Variants in CCDC148 observed in about 807,000 individuals in gnomAD.
CCDC148 encodes the protein coiled-coil domain containing 148.
In CCDC148, 89 loss-of-function variants were observed where a neutral mutation model predicts 85.7. That is an observed-to-expected ratio of 1.04 (90% CI 0.87 to 1.24). The LOEUF is 1.24. Ranked by LOEUF, CCDC148 falls within the 50% of genes most tolerant of loss-of-function variation. CCDC148 has a pLI of 0.00. For missense variants in CCDC148, 692 were observed against 671.7 expected (o/e 1.03, Z -0.33); for synonymous variants, 230 against 213.9 (o/e 1.08, Z -0.66).
chr2:158,296,392 C>A (rs1691189537), intron 9 of CCDC148, among the ~76,000 whole-genome samples: 1 of 152,070 alleles, frequency 6.6e-6, no homozygotes, highest in African/African-American at 2.4e-5. Context: ...ATGTGTGGAT[C>A]TATTTCTGGA....
At chr2:158,172,326 C>G (rs1350096694) in intron 13 of CCDC148, 67 bp from the exon 14 acceptor site, 1 of 1,222,550 alleles carries the variant, frequency 8.2e-7, no homozygotes, top group East Asian at 2.5e-5. Context: ...ACATTTAGTT[C>G]CATGTTTTCC....
At chr2:158,229,569 A>G (rs746927723) in intron 10 of CCDC148, among the ~76,000 whole-genome samples, 3 of 152,158 alleles carry the variant, frequency 2.0e-5, no homozygotes, top group Non-Finnish European at 4.4e-5. Flanking sequence ...GTTCAGCTCC[A>G]TACCTGCTGC....
intron 11 of CCDC148, among the ~76,000 whole-genome samples, chr2:158,219,042 A>G (rs1302393842): frequency 6.6e-6 from 1 of 152,212 alleles, no homozygotes; most frequent in East Asian, 1.9e-4. Context: ...CCTAGATACA[A>G]GTGAATCTCA....
At chr2:158,353,991 G>A (rs1311794955) in intron 2 of CCDC148, among the ~76,000 whole-genome samples, 8 of 152,238 alleles carry the variant, frequency 5.3e-5, no homozygotes, top group African/African-American at 1.4e-4. Flanking sequence ...GGTACATAAC[G>A]AAATGAAGAC....
In CCDC148 at chr2:158,298,278, C is replaced by A. The variant is rs374917004; in HGVS notation, c.1110+11155G>T. The stretch of plus-strand genomic sequence containing the variant: ...GATTTGGGTAGGGATACAGCCAAAC[C>A]GTATCACCATTGTTTTCAGGAGTTT... On this transcript the variant is annotated intron_variant, in intron 9 of 13. Coordinates refer to ENST00000283233, the MANE Select transcript of CCDC148 (RefSeq NM_138803.4). Among the ~76,000 whole-genome samples the A allele has an allele frequency of 7.9e-5, 12 of 152,076 alleles. No individual in the cohort carries two copies. The East Asian group carries it at 2.1e-3, about 27-fold the overall frequency.
intron 2 of CCDC148, among the ~76,000 whole-genome samples, chr2:158,352,694 G>A (rs1683385922): frequency 6.6e-6 from 1 of 151,736 alleles, no homozygotes; most frequent in Non-Finnish European, 1.5e-5. Flanking sequence ...TAGCAAGGCA[G>A]GCCAATGTTC....
intron 2 of CCDC148, among the ~76,000 whole-genome samples, chr2:158,356,969 A>T (rs1161474537): frequency 6.7e-6 from 1 of 149,582 alleles, no homozygotes; most frequent in Non-Finnish European, 1.5e-5. Context: ...TTCTCAGTAA[A>T]CTATCGCAAG....
rs777356867 is a variant in CCDC148 at position 158,323,919 on chromosome 2, C to CTTTTTTTTTTTTTTTTT, written c.765-10042_765-10026dup. On this transcript the variant is annotated intron_variant, in intron 7 of 13. Transcript: ENST00000283233. Reference sequence around the variant, plus strand: ...GTCTAATTTCACCACCTGGGAATAACTTTTTTTTTTTTTTTTTTTTTTTTT... The same window carrying CTTTTTTTTTTTTTTTTT: ...GTCTAATTTCACCACCTGGGAATAACTTTTTTTTTTTTTTTTTTTTTTTTTTTTTTTTTTTTTTTTTT... Among the ~76,000 whole-genome samples, 34 of 82,970 alleles carry CTTTTTTTTTTTTTTTTT rather than the reference C, an allele frequency of 4.1e-4. 3 individuals are homozygous for CTTTTTTTTTTTTTTTTT. Among genetic ancestry groups the CTTTTTTTTTTTTTTTTT allele is most frequent in the Non-Finnish European group, 6.2e-4 (26 of 41,614 alleles). The allele number at this position is 82,970 out of a possible 152,430, so 54.4% of individuals were successfully genotyped here. A position where few individuals can be genotyped will look rare whatever the true frequency, so the allele number is the denominator to read the frequency against.
intron 9 of CCDC148, among the ~76,000 whole-genome samples, chr2:158,302,012 A>C (rs1362529710): frequency 1.3e-5 from 2 of 152,234 alleles, no homozygotes; most frequent in Non-Finnish European, 2.9e-5. Flanking sequence ...TTATAGGCTG[A>C]AGGAAACACT....
chr2:158,351,271 C>T (rs12621868), intron 2 of CCDC148, among the ~76,000 whole-genome samples: 61,536 of 152,070 alleles, frequency 0.4, 13,145 homozygotes, highest in South Asian at 0.61. Context: ...TCTACAGCTC[C>T]CAGCGTGAGT....
At chr2:158,282,682 T>C (rs1387570478) in intron 9 of CCDC148, among the ~76,000 whole-genome samples, 1 of 152,140 alleles carries the variant, frequency 6.6e-6, no homozygotes, top group African/African-American at 2.4e-5. Context: ...AGAATCAATA[T>C]TGTGAAAATG....
At chr2:158,313,547 G>C (rs1203805357) in intron 8 of CCDC148, among the ~76,000 whole-genome samples, 1 of 152,210 alleles carries the variant, frequency 6.6e-6, no homozygotes. Flanking sequence ...ACTTCTGCCC[G>C]AGGGGGCCCC....
At chr2:158,454,400 C>T (rs1339164926) in intron 1 of CCDC148, among the ~76,000 whole-genome samples, 2 of 152,142 alleles carry the variant, frequency 1.3e-5, no homozygotes, top group Admixed American at 1.3e-4. Flanking sequence ...GAGAAGATGG[C>T]TCATGTTTAG....
chr2:158,241,864 C>T (rs913638388), intron 10 of CCDC148, among the ~76,000 whole-genome samples: 1 of 152,058 alleles, frequency 6.6e-6, no homozygotes, highest in African/African-American at 2.4e-5. Context: ...GATTAGAAGA[C>T]TTATGTATAT....
At chr2:158,427,990 G>C (rs1687155857) in intron 1 of CCDC148, among the ~76,000 whole-genome samples, 1 of 152,204 alleles carries the variant, frequency 6.6e-6, no homozygotes, top group Non-Finnish European at 1.5e-5. Context: ...CCAAAACACA[G>C]AGAGTCTTTT....
intron 9 of CCDC148, among the ~76,000 whole-genome samples, chr2:158,264,070 C>CT (rs200103280): frequency 0.01 from 1,525 of 150,136 alleles, 13 homozygotes; most frequent in Non-Finnish European, 0.016. Flanking sequence ...ACCACTGTAA[C>CT]TTTTTTTTTA....
chr2:158,278,619 C>T (rs986021716), intron 9 of CCDC148, among the ~76,000 whole-genome samples: 11 of 152,230 alleles, frequency 7.2e-5, no homozygotes, highest in African/African-American at 2.4e-4. Flanking sequence ...AACAAAGAAG[C>T]CTCAAAGCTA....
chr2:158,309,489 T>C lies in CCDC148; in HGVS notation c.1054A>G (p.Met352Val). The change falls in exon 9 of 14, where the codon ATG becomes GTG. Residue 352 changes from methionine (M) to valine (V), a missense_variant. Transcript: ENST00000283233. Reference protein sequence around the residue: ...EACATHEMESMLAKDKKKQQE... With the variant: ...EACATHEMESVLAKDKKKQQE... ...TGCTTTTTCTTGTCCTTAGCCAACA[T>C]GCTCTCCATTTCATGTGTTGCACAA... 6.2e-7 allele frequency: 1 copy of C among 1,614,212 alleles called. No individual in the cohort carries two copies. Among genetic ancestry groups the C allele is most frequent in the South Asian group, 1.1e-5 (1 of 91,086 alleles).
At position 158,318,845 on chromosome 2, in the gene CCDC148, T is replaced by C. The variant is rs1051622247; in HGVS notation, c.765-4951A>G. Among the ~76,000 whole-genome samples, 12 of 151,998 alleles carry C rather than the reference T, an allele frequency of 7.9e-5. No homozygotes were observed. In the South Asian group the frequency reaches 1.0e-3, roughly 13 times the overall value. ...TGTGCAGTGGCGTGATCATGGCTCATTGCAGCCTTGAACTCCTGGATTCAA... is the reference window on the plus strand; with the variant it reads ...TGTGCAGTGGCGTGATCATGGCTCACTGCAGCCTTGAACTCCTGGATTCAA... On this transcript the variant is annotated intron_variant, in intron 7 of 13. Coordinates refer to ENST00000283233, the MANE Select transcript of CCDC148 (RefSeq NM_138803.4).
Sources: allele counts gnomAD v4.1 joint callset (sites outside exome capture counted in the v4.1 genomes callset), GRCh38; gene constraint gnomAD v4.1.1; transcripts MANE v1.5; gene names NCBI Gene and HGNC (gene_info 2026-07-23, HGNC 2026-07-21).